Variants in ASPH observed in about 807,000 individuals in gnomAD.
The protein encoded by ASPH is aspartyl/asparaginyl beta-hydroxylase.
ASPH carries 100 observed loss-of-function variants against 118.4 expected under a neutral mutation model. The observed-to-expected ratio is 0.84, with a 90% CI of 0.72 to 1.00. The LOEUF is 1.00. Among genes scored for constraint, ASPH ranks in the 50% least tolerant of loss-of-function variants. The pLI, the probability that ASPH is intolerant of heterozygous loss-of-function variation, is 0.00. For synonymous variants in ASPH, 315 were observed against 325.6 expected (o/e 0.97, Z 0.35); for missense variants, 920 against 919.5 (o/e 1.00, Z -0.01).
chr8:61,578,488 A>G (rs1452490993), intron 15 of ASPH: 104 of 1,589,246 alleles, frequency 6.5e-5, no homozygotes, highest in Admixed American at 1.5e-4. Flanking sequence ...GTGTGCACCC[A>G]GGAGAAGGAG....
At chr8:61,641,854 G>A (rs184205373) in intron 10 of ASPH, among the ~76,000 whole-genome samples, 33 of 152,192 alleles carry the variant, frequency 2.2e-4, no homozygotes, top group African/African-American at 3.1e-4. Flanking sequence ...TTTCTTCATC[G>A]TTCTTGCTTT....
At chr8:61,609,335 C>T (rs138494619) in intron 14 of ASPH, among the ~76,000 whole-genome samples, 71 of 152,106 alleles carry the variant, frequency 4.7e-4, no homozygotes, top group Non-Finnish European at 8.8e-4. Context: ...TAGGTTTCTC[C>T]GTATTTCTGA....
At chr8:61,612,321 A>C (rs916400012) in intron 14 of ASPH, among the ~76,000 whole-genome samples, 2 of 152,096 alleles carry the variant, frequency 1.3e-5, no homozygotes, top group Non-Finnish European at 2.9e-5. Context: ...TTGAAGATAT[A>C]ATAATATAAA....
At chr8:61,663,621 T>C in intron 3 of ASPH, 5 of 985,376 alleles carry the variant, frequency 5.1e-6, no homozygotes, top group Non-Finnish European at 6.0e-6. Context: ...CCCTTTTTGG[T>C]TTACAATGTT....
intron 3 of ASPH, among the ~76,000 whole-genome samples, chr8:61,679,094 T>C (rs991810329): frequency 6.6e-6 from 1 of 152,166 alleles, no homozygotes; most frequent in African/African-American, 2.4e-5. Context: ...TCAAATGCTA[T>C]GAAATAAGAT....
At chr8:61,534,382 C>T (rs188412518) in intron 21 of ASPH, among the ~76,000 whole-genome samples, 26 of 152,042 alleles carry the variant, frequency 1.7e-4, no homozygotes, top group African/African-American at 3.6e-4. Context: ...TCCTATTAGC[C>T]GGCAAAACCC....
rs140431070 is a variant in ASPH at position 61,593,480 on chromosome 8, T to C, written c.977-9451A>G. On this transcript the variant is annotated intron_variant, in intron 14 of 24. Transcript: ENST00000379454. ...AATATTCAAAGCTTAAACCAAACAG[T>C]TAACAAATATTTTTCACTGAGAGAT... Among the ~76,000 whole-genome samples the C allele has an allele frequency of 2.0e-4, 31 of 152,220 alleles. 1 individual carries two copies. In the East Asian group the frequency reaches 6.0e-3, roughly 29 times the overall value.
In ASPH at chr8:61,538,555, A is replaced by G. The variant is rs367971741; in HGVS notation, c.1764+9516T>C. Among the ~76,000 whole-genome samples the G allele has an allele frequency of 9.5e-4, 144 of 152,338 alleles. 1 individual carries two copies. The Middle Eastern group carries it at 0.027, about 29-fold the overall frequency. ...TCCAGTGAAAACATTCAAGTATTTA[A>G]TTACAAAGAAAGAAATGCTGAACCA... On this transcript the variant is annotated intron_variant, in intron 21 of 24. Coordinates refer to ENST00000379454, the MANE Select transcript of ASPH (RefSeq NM_004318.4).
At chr8:61,626,151 T>C (rs1852700274) in intron 13 of ASPH, 3 of 1,267,614 alleles carry the variant, frequency 2.4e-6, no homozygotes, top group Non-Finnish European at 2.0e-6. Flanking sequence ...ACATCTTTAG[T>C]GTTCCTTCCC....
intron 13 of ASPH, among the ~76,000 whole-genome samples, chr8:61,630,784 G>A (rs1030037389): frequency 6.6e-6 from 1 of 152,040 alleles, no homozygotes; most frequent in South Asian, 2.1e-4. Flanking sequence ...ATACTTTTAC[G>A]GTTCTTTTAG....
intron 21 of ASPH, among the ~76,000 whole-genome samples, chr8:61,532,830 C>A (rs1818084119): frequency 6.6e-6 from 1 of 152,124 alleles, no homozygotes; most frequent in Non-Finnish European, 1.5e-5. Context: ...TGATTTGGGG[C>A]AAATTACTTA....
chr8:61,618,828 G>A, intron 14 of ASPH, 150 bp downstream of exon 14: 1 of 627,250 alleles, frequency 1.6e-6, no homozygotes, highest in South Asian at 2.5e-5. Context: ...ATATTAATAA[G>A]TGTTCTTTGA....
chr8:61,668,294 T>C (rs987432949), intron 3 of ASPH: 7 of 1,596,620 alleles, frequency 4.4e-6, no homozygotes, highest in African/African-American at 4.0e-5. Context: ...ATTTACAAGA[T>C]GAAAATAGGT....
intron 3 of ASPH, chr8:61,665,386 A>G: frequency 1.2e-6 from 2 of 1,612,476 alleles, no homozygotes; most frequent in Non-Finnish European, 1.7e-6. Flanking sequence ...ATTTTTTCCT[A>G]TTTTCCTTGG....
At chr8:61,698,620 T>G (rs1369041100) in intron 1 of ASPH, among the ~76,000 whole-genome samples, 3 of 152,076 alleles carry the variant, frequency 2.0e-5, no homozygotes, top group African/African-American at 7.2e-5. Context: ...CTCCCAGAGG[T>G]TGGGGGTGGG....
chr8:61,600,459 T>C (rs1447730400), intron 14 of ASPH, among the ~76,000 whole-genome samples: 1 of 151,396 alleles, frequency 6.6e-6, no homozygotes, highest in Non-Finnish European at 1.5e-5. Flanking sequence ...GCAGAAAACA[T>C]GATCTTATAT....
At chr8:61,561,838 G>A (rs1179917454) in intron 18 of ASPH, among the ~76,000 whole-genome samples, 1 of 152,210 alleles carries the variant, frequency 6.6e-6, no homozygotes, top group Non-Finnish European at 1.5e-5. Context: ...TGAAGCAGGA[G>A]GATTGCTTGA....
chr8:61,682,843 A>G (rs566288264), intron 2 of ASPH, among the ~76,000 whole-genome samples: 2 of 152,294 alleles, frequency 1.3e-5, no homozygotes, highest in African/African-American at 2.4e-5. Context: ...GATATCACCC[A>G]TGCAACATTG....
chr8:61,691,503 G>A (rs1037620916), intron 1 of ASPH, among the ~76,000 whole-genome samples: 3 of 152,118 alleles, frequency 2.0e-5, no homozygotes, highest in Non-Finnish European at 2.9e-5. Flanking sequence ...CCACCATTTC[G>A]TCACCATACA....
Sources: gnomAD v4.1 joint callset for allele counts (sites outside exome capture counted in the v4.1 genomes callset) on GRCh38, gnomAD v4.1.1 for gene constraint, MANE v1.5 for transcripts, NCBI Gene and HGNC (gene_info 2026-07-23, HGNC 2026-07-21) for gene names.